The following SNTG1 variants were observed in gnomAD, a reference collection of about 807,000 sequenced individuals.
The protein encoded by SNTG1 is syntrophin gamma 1.
A neutral mutation model predicts 74.7 loss-of-function variants in SNTG1; 39 were observed. The observed-to-expected ratio is 0.52, with a 90% confidence interval of 0.40 to 0.68. The LOEUF (loss-of-function observed/expected upper bound fraction) is 0.68, where lower values mean the gene tolerates loss of function less well. Among genes scored for constraint, SNTG1 ranks in the 30% least tolerant of loss-of-function variants. The pLI is 0.00. For missense variants in SNTG1, 685 were observed against 609.5 expected, an observed-to-expected ratio of 1.12 and a Z score of -1.30; for synonymous variants, 254 against 217.1, an observed-to-expected ratio of 1.17 and a Z score of -1.49.
chr8:50,311,504 G>A (rs957237322), intron 2 of SNTG1, among the ~76,000 whole-genome samples: 28 of 152,178 alleles, frequency 1.8e-4, no homozygotes, highest in South Asian at 4.1e-4. Context: ...AGTAGGTTGT[G>A]TGCCTAGGGT....
chr8:50,661,269 A>T (rs556902644), intron 15 of SNTG1, among the ~76,000 whole-genome samples: 6 of 152,296 alleles, frequency 3.9e-5, no homozygotes, highest in Admixed American at 6.5e-5. Context: ...TGTAGGAAGG[A>T]CTGATATTTG....
chr8:50,672,457 CAT>C lies in SNTG1; in HGVS notation c.1038+13795_1038+13796del, dbSNP rs200747220. 9.9e-5 allele frequency among the ~76,000 whole-genome samples: 15 copies of C among 151,716 alleles called. No individual in the cohort carries two copies. In the East Asian group the frequency reaches 1.8e-3, roughly 18 times the overall value. On this transcript the variant is annotated intron_variant, in intron 15 of 18. Transcript: ENST00000642720. Reference sequence around the variant, plus strand: ...CAGTGATCTTGAGTATTTTTTTTCACATGTTTTTGGCCACATAAAAGTCTTCT... The same window carrying C: ...CAGTGATCTTGAGTATTTTTTTTCACGTTTTTGGCCACATAAAAGTCTTCT...
At chr8:50,127,544 T>C (rs913096544) in intron 1 of SNTG1, among the ~76,000 whole-genome samples, 11 of 152,236 alleles carry the variant, frequency 7.2e-5, no homozygotes, top group Admixed American at 7.2e-4. Flanking sequence ...TGGAATCCTT[T>C]TAGAGCCAAC....
intron 8 of SNTG1, among the ~76,000 whole-genome samples, chr8:50,484,740 C>A (rs555555911): frequency 4.0e-5 from 6 of 150,258 alleles, no homozygotes; most frequent in African/African-American, 1.5e-4. Context: ...ATGCCTGCAA[C>A]CCCAGCTACT....
intron 1 of SNTG1, among the ~76,000 whole-genome samples, chr8:50,018,667 G>C (rs921999451): frequency 6.6e-6 from 1 of 151,972 alleles, no homozygotes; most frequent in African/African-American, 2.4e-5. Flanking sequence ...TTAAAAACTT[G>C]TGTATCAAAG....
intron 13 of SNTG1, among the ~76,000 whole-genome samples, chr8:50,654,328 A>G (rs1213073446): frequency 6.6e-6 from 1 of 151,988 alleles, no homozygotes; most frequent in African/African-American, 2.4e-5. Context: ...CCATCTTTCT[A>G]TTCACTAATT....
At chr8:50,716,194 T>A (rs1379509339) in intron 17 of SNTG1, among the ~76,000 whole-genome samples, 1 of 152,126 alleles carries the variant, frequency 6.6e-6, no homozygotes, top group Non-Finnish European at 1.5e-5. Context: ...CAACATAGAA[T>A]TAACCTTTTA....
intron 18 of SNTG1, among the ~76,000 whole-genome samples, chr8:50,755,439 A>T (rs1426770839): frequency 6.6e-6 from 1 of 151,764 alleles, no homozygotes. Flanking sequence ...TTAATAACTC[A>T]TTTCTTTTTA....
chr8:50,770,264 G>A (rs946159425), intron 18 of SNTG1, among the ~76,000 whole-genome samples: 2 of 152,050 alleles, frequency 1.3e-5, no homozygotes, highest in Admixed American at 6.6e-5. Context: ...AAGGCAATGA[G>A]AAAATATTCA....
At chr8:50,077,103 T>C (rs761222022) in intron 1 of SNTG1, among the ~76,000 whole-genome samples, 5 of 152,212 alleles carry the variant, frequency 3.3e-5, no homozygotes, top group Non-Finnish European at 7.4e-5. Flanking sequence ...GTGGCTTTTG[T>C]AGATTGACAG....
At chr8:50,134,046 A>T (rs757191690) in intron 1 of SNTG1, among the ~76,000 whole-genome samples, 1 of 152,314 alleles carries the variant, frequency 6.6e-6, no homozygotes, top group East Asian at 1.9e-4. Context: ...GTTAAGGCCA[A>T]TACATAAAAA....
rs569148489 is a variant in SNTG1, at chr8:50,117,933, T to C, written c.-102-54628T>C. Among the ~76,000 whole-genome samples the C allele has an allele frequency of 2.0e-5, 3 of 152,226 alleles. No individual in the cohort carries two copies. In the South Asian group the frequency reaches 6.2e-4, roughly 32 times the overall value. Reference sequence around the variant, plus strand: ...CTAGCAGAGCTGAAGTGTGCTGAGTTCCCTGTAACCTGGTAAAAGCTATGT... The same window carrying C: ...CTAGCAGAGCTGAAGTGTGCTGAGTCCCCTGTAACCTGGTAAAAGCTATGT... On this transcript the variant is annotated intron_variant, in intron 1 of 18. Transcript: ENST00000642720.
At chr8:50,086,270 G>GT (rs1261796034) in intron 1 of SNTG1, among the ~76,000 whole-genome samples, 5 of 152,130 alleles carry the variant, frequency 3.3e-5, no homozygotes, top group Admixed American at 3.3e-4. Flanking sequence ...TTTTAGTGTT[G>GT]TTTTTTCTCT....
rs185572426 is a variant in SNTG1 at position 50,733,684 on chromosome 8, T to C, written c.1285-18317T>C. On this transcript the variant is annotated intron_variant, in intron 17 of 18. Transcript: ENST00000642720. ...TTTGCATTTCTCTGATGATTAGTGA[T>C]GCTGAGCATTTTTTCATGTGTTTGT... Among the ~76,000 whole-genome samples the C allele has an allele frequency of 3.2e-3, 487 of 152,206 alleles. 3 individuals are homozygous for C. Among genetic ancestry groups the C allele is most frequent in the Middle Eastern group, 0.014 (4 of 294 alleles).
intron 8 of SNTG1, among the ~76,000 whole-genome samples, chr8:50,457,456 A>T (rs2093516792): frequency 6.6e-6 from 1 of 152,220 alleles, no homozygotes; most frequent in African/African-American, 2.4e-5. Context: ...CTTCCCAAGG[A>T]GCAAATGTAC....
rs186136435 is a variant in SNTG1 at position 49,949,144 on chromosome 8, C to T, written c.-103+36913C>T. Reference sequence around the variant, plus strand: ...CCAGGCCTGATGGTTCTAAAAGTTGCTCTTCTTAGGAAAGGCACTGGTCAT... The same window carrying T: ...CCAGGCCTGATGGTTCTAAAAGTTGTTCTTCTTAGGAAAGGCACTGGTCAT... On this transcript the variant is annotated intron_variant, in intron 1 of 18. Coordinates refer to ENST00000642720, the MANE Select transcript of SNTG1 (RefSeq NM_018967.5). Among the ~76,000 whole-genome samples, 22 of 152,250 alleles carry T rather than the reference C, an allele frequency of 1.4e-4. No homozygotes were observed. The East Asian group carries it at 4.2e-3, about 29-fold the overall frequency.
rs116414785 is a variant in SNTG1 at position 50,246,789 on chromosome 8, G to A, written c.-28+74154G>A. Among the ~76,000 whole-genome samples, 426 of 152,228 alleles carry A rather than the reference G, an allele frequency of 2.8e-3. 4 individuals are homozygous for A. Among genetic ancestry groups the A allele is most frequent in the African/African-American group, 9.5e-3 (395 of 41,532 alleles). The stretch of plus-strand genomic sequence containing the variant: ...AGAGTCAACAAATAAAATGCCTTGA[G>A]CACCCCAAAAGACCAATGTCATCCT... On this transcript the variant is annotated intron_variant, in intron 2 of 18. Transcript: ENST00000642720.
intron 1 of SNTG1, among the ~76,000 whole-genome samples, chr8:49,928,646 T>A (rs1466000785): frequency 6.6e-6 from 1 of 152,168 alleles, no homozygotes; most frequent in Non-Finnish European, 1.5e-5. Flanking sequence ...TCTGCACATT[T>A]TGCCCAATTT....
At chr8:50,662,143 A>G (rs2095227282) in intron 15 of SNTG1, among the ~76,000 whole-genome samples, 1 of 152,162 alleles carries the variant, frequency 6.6e-6, no homozygotes, top group Non-Finnish European at 1.5e-5. Flanking sequence ...GGAGTCTTCT[A>G]CAGCCCAGCC....
Sources: gnomAD v4.1 joint callset for allele counts (sites outside exome capture counted in the v4.1 genomes callset) on GRCh38, gnomAD v4.1.1 for gene constraint, MANE v1.5 for transcripts, NCBI Gene and HGNC (gene_info 2026-07-23, HGNC 2026-07-21) for gene names.